PKNOX1: variants seen among roughly 807,000 people sequenced by gnomAD.
PKNOX1 encodes PBX/knotted 1 homeobox 1.
In PKNOX1, 15 loss-of-function variants were observed where a neutral mutation model predicts 51.9. That is an observed-to-expected ratio of 0.29 (90% CI 0.19 to 0.45). The LOEUF (loss-of-function observed/expected upper bound fraction) is 0.45, where lower values mean the gene tolerates loss of function less well. Ranked by LOEUF, PKNOX1 falls within the 20% of genes least tolerant of loss-of-function variation. PKNOX1 has a pLI of 1.00. For missense variants in PKNOX1, 462 were observed against 547.5 expected (o/e 0.84, Z 1.56); for synonymous variants, 219 against 211.1 (o/e 1.04, Z -0.32).
intron 1 of PKNOX1, among the ~76,000 whole-genome samples, chr21:42,991,134 A>G (rs1414489765): frequency 6.6e-6 from 1 of 152,100 alleles, no homozygotes; most frequent in Non-Finnish European, 1.5e-5. Context: ...AACTATATGG[A>G]TGTTTTAATA....
At chr21:43,028,647 G>T in intron 9 of PKNOX1, 55 bp from the exon 10 acceptor site, 1 of 1,529,124 alleles carries the variant, frequency 6.5e-7, no homozygotes, top group South Asian at 1.1e-5. Context: ...TGTTAATCCT[G>T]TATAGGGTCT....
At chr21:43,005,550 T>G (rs1481101609) in intron 2 of PKNOX1, among the ~76,000 whole-genome samples, 1 of 142,342 alleles carries the variant, frequency 7.0e-6, no homozygotes, top group Non-Finnish European at 1.5e-5. Flanking sequence ...TTTTTTTTTC[T>G]AAAATGCAAA....
intron 1 of PKNOX1, among the ~76,000 whole-genome samples, chr21:42,989,882 T>C (rs2052370610): frequency 6.6e-6 from 1 of 152,122 alleles, no homozygotes; most frequent in African/African-American, 2.4e-5. Flanking sequence ...GCAGATTGCT[T>C]GAGCTCAGGA....
intron 4 of PKNOX1, among the ~76,000 whole-genome samples, chr21:43,011,423 G>A (rs976169842): frequency 1.3e-5 from 2 of 152,134 alleles, no homozygotes; most frequent in Non-Finnish European, 2.9e-5. Context: ...CCAGGGCCAG[G>A]GCTCCAAAAT....
In PKNOX1 at chr21:43,004,391, A is replaced by C. The variant is rs1978898010; in HGVS notation, c.10A>C (p.Thr4Pro). 1 of 1,606,186 alleles carries C rather than the reference A, an allele frequency of 6.2e-7. No individual in the cohort carries two copies. ...AAAACTCTGATGAACCATGATGGCT[A>C]CACAGACATTAAGTATAGACAGCTA... MMA[T>P]QTLSIDSYQD... is the part of the protein sequence containing the mutation. Residue 4 changes from threonine to proline, a missense_variant, in exon 2 of 11, where the codon ACA (threonine) becomes CCA (proline). Physicochemically the swap from Thr to Pro is conservative, Grantham distance 38 (BLOSUM62 -1). This residue lies in a region of PKNOX1 where 129 missense variants were observed against 133.4 expected (regional missense o/e 0.97). Coordinates refer to ENST00000291547, the MANE Select transcript of PKNOX1 (RefSeq NM_004571.5).
chr21:43,022,966 AC>A (rs1166937287), intron 8 of PKNOX1, among the ~76,000 whole-genome samples: 2 of 152,072 alleles, frequency 1.3e-5, no homozygotes, highest in African/African-American at 4.8e-5. Context: ...TTGGGTGAGT[AC>A]TCTCCTTTCA....
chr21:42,989,033 T>C (rs1466137679), intron 1 of PKNOX1, among the ~76,000 whole-genome samples: 1 of 152,182 alleles, frequency 6.6e-6, no homozygotes, highest in African/African-American at 2.4e-5. Context: ...CCCTCACTGG[T>C]CTTTGGCTTC....
intron 10 of PKNOX1, 111 bp downstream of exon 10, chr21:43,028,985 G>A (rs234729): frequency 0.89 from 970,684 of 1,088,550 alleles, 434,320 homozygotes; most frequent in African/African-American, 0.94. Context: ...TGGTGAACGA[G>A]AGTGCGTGGT....
At chr21:43,017,986 G>A (rs1156711574) in intron 6 of PKNOX1, 147 bp from the exon 7 acceptor site, 2 of 557,820 alleles carry the variant, frequency 3.6e-6, no homozygotes, top group Admixed American at 7.3e-5. Context: ...AAGGCAGGAG[G>A]ATCAGTTGAA....
At chr21:42,975,330 G>T (rs2058989322) in intron 1 of PKNOX1, among the ~76,000 whole-genome samples, 1 of 150,996 alleles carries the variant, frequency 6.6e-6, no homozygotes, top group East Asian at 2.0e-4. Flanking sequence ...CCCTCAGCCG[G>T]GCGCCGGCGC....
intron 9 of PKNOX1, 167 bp from the exon 10 acceptor site, chr21:43,028,535 T>C: frequency 1.5e-6 from 1 of 672,084 alleles, no homozygotes; most frequent in Non-Finnish European, 2.7e-6. Context: ...ATTTAGAGAA[T>C]TCAGAAGAGC....
intron 1 of PKNOX1, among the ~76,000 whole-genome samples, chr21:42,993,251 T>TC (rs1479298428): frequency 2.0e-5 from 3 of 151,984 alleles, no homozygotes; most frequent in Non-Finnish European, 2.9e-5. Flanking sequence ...GCCCCTTTCC[T>TC]CCCCTCACGA....
intron 8 of PKNOX1, among the ~76,000 whole-genome samples, chr21:43,023,689 A>C (rs1176677945): frequency 2.0e-5 from 3 of 151,248 alleles, no homozygotes; most frequent in Non-Finnish European, 4.4e-5. Context: ...ATCTCGGCTC[A>C]CTGCAACCTC....
At chr21:42,996,056 T>G (rs369367412) in intron 1 of PKNOX1, among the ~76,000 whole-genome samples, 1 of 152,064 alleles carries the variant, frequency 6.6e-6, no homozygotes, top group Admixed American at 6.6e-5. Flanking sequence ...TCTACAGAAA[T>G]TTTTAAAAAT....
chr21:42,992,580 G>C (rs971579487), intron 1 of PKNOX1, among the ~76,000 whole-genome samples: 4 of 152,198 alleles, frequency 2.6e-5, no homozygotes, highest in African/African-American at 9.7e-5. Context: ...TGGGGGTGAC[G>C]TAATGACTGA....
rs761335147 is a variant in PKNOX1, at chr21:43,010,161, T to C, written c.288T>C (p.Phe96=). ...GTTTTGATGTAGACATCGAAAATTTTGTAAGAAAGCAAGAGAAGGAAGGGA... is the reference window on the plus strand; with the variant it reads ...GTTTTGATGTAGACATCGAAAATTTCGTAAGAAAGCAAGAGAAGGAAGGGA... ...SASFDVDIEN[F]VRKQEKEGKP... Residue 96 remains phenylalanine, a synonymous_variant, in exon 4 of 11, where the codon TTT becomes TTC. Coordinates refer to ENST00000291547, the MANE Select transcript of PKNOX1 (RefSeq NM_004571.5). 1.2e-6 allele frequency: 2 copies of C among 1,606,686 alleles called. No homozygotes were observed. Among genetic ancestry groups the C allele is most frequent in the East Asian group, 2.2e-5 (1 of 44,702 alleles).
At chr21:43,005,442 T>G (rs1238678095) in intron 2 of PKNOX1, among the ~76,000 whole-genome samples, 1 of 147,144 alleles carries the variant, frequency 6.8e-6, no homozygotes, top group Admixed American at 6.8e-5. Flanking sequence ...TTTTTTTTTC[T>G]CTGTATAGCA....
intron 7 of PKNOX1, 51 bp downstream of exon 7, chr21:43,018,281 G>T: frequency 2.6e-6 from 3 of 1,138,996 alleles, no homozygotes; most frequent in Non-Finnish European, 4.0e-6. Flanking sequence ...TGCCCACATA[G>T]GGGCACAGGT....
intron 1 of PKNOX1, among the ~76,000 whole-genome samples, chr21:42,975,564 C>T (rs868314437): frequency 6.6e-6 from 1 of 152,234 alleles, no homozygotes; most frequent in Non-Finnish European, 1.5e-5. Flanking sequence ...GCGGAGTCTG[C>T]TTTATGTCAT....
Sources: allele counts gnomAD v4.1 joint callset (sites outside exome capture counted in the v4.1 genomes callset), GRCh38; gene constraint gnomAD v4.1.1; regional missense constraint gnomAD v4.1.1; transcripts MANE v1.5; gene names NCBI Gene and HGNC (gene_info 2026-07-23, HGNC 2026-07-21).